Variants in PPP1R7 observed in about 807,000 individuals in gnomAD.
PPP1R7 encodes protein phosphatase 1 regulatory subunit 22.
A neutral mutation model predicts 45.2 loss-of-function variants in PPP1R7; 18 were observed. That is an observed-to-expected ratio of 0.40 (90% confidence interval 0.28 to 0.59). PPP1R7 has a LOEUF of 0.59. PPP1R7 is among the 20% of genes least tolerant of loss of function. The pLI is 0.46. For missense variants in PPP1R7, 314 were observed against 455.8 expected, an observed-to-expected ratio of 0.69 and a Z score of 2.83; for synonymous variants, 181 against 183.4, an observed-to-expected ratio of 0.99 and a Z score of 0.11.
Position 241,182,778 on chromosome 2 carries a change from C to T in PPP1R7, c.1038C>T (p.Ala346=), listed in dbSNP as rs1487014126. Residue 346 remains alanine (A), a synonymous_variant, in exon 10 of 10, where the codon GCC becomes GCT. Transcript: ENST00000234038. ...DPQYRRKVML[A]LPSVRQIDAT... is the part of the protein sequence containing the mutation. The stretch of plus-strand genomic sequence containing the variant: ...AGTACCGGCGGAAGGTCATGCTCGC[C>T]CTCCCCTCCGTGCGGCAGATCGATG... 5 of 1,614,086 alleles carry T rather than the reference C, an allele frequency of 3.1e-6. No individual in the cohort carries two copies. Among genetic ancestry groups the T allele is most frequent in the East Asian group, 4.5e-5 (2 of 44,868 alleles).
chr2:241,181,120 C>G (rs1176192789), intron 9 of PPP1R7, among the ~76,000 whole-genome samples: 1 of 152,162 alleles, frequency 6.6e-6, no homozygotes, highest in East Asian at 1.9e-4. Context: ...ATCGCTTGAA[C>G]CCAGGAGGCG....
intron 1 of PPP1R7, 135 bp downstream of exon 1, chr2:241,150,682 G>A (rs1157957356): frequency 4.7e-6 from 6 of 1,281,906 alleles, no homozygotes; most frequent in African/African-American, 1.6e-5. Context: ...ACAGCTGACA[G>A]CCGGACCCGG....
intron 9 of PPP1R7, among the ~76,000 whole-genome samples, chr2:241,176,362 C>T (rs1478668381): frequency 2.6e-5 from 4 of 152,216 alleles, no homozygotes; most frequent in African/African-American, 7.2e-5. Flanking sequence ...AGCTCACACC[C>T]AGGTACCACT....
chr2:241,157,772 G>T, intron 2 of PPP1R7, 35 bp from the exon 3 acceptor site: 2 of 1,597,230 alleles, frequency 1.3e-6, no homozygotes, highest in Non-Finnish European at 1.7e-6. Context: ...CTGTTAATGG[G>T]GTTCTGAACA....
upstream of PPP1R7, chr2:241,149,717 C>T (rs781690179): frequency 1.3e-6 from 2 of 1,549,850 alleles, no homozygotes; most frequent in Non-Finnish European, 1.7e-6. Flanking sequence ...GGGTGAGTAG[C>T]GCAGAGCTCG....
At position 241,183,333 on chromosome 2, in the gene PPP1R7, A is replaced by T; in HGVS notation, c.*510A>T. On this transcript the variant is annotated 3_prime_UTR_variant, in exon 10 of 10. Coordinates refer to ENST00000234038, the MANE Select transcript of PPP1R7 (RefSeq NM_002712.3). ...TTTTTAAAAATTAGGTAAGTTAAAA[A>T]AGCTGGGTAAAAGCTGACTCAGCCC... The T allele has an allele frequency of 2.3e-6, 1 of 434,468 alleles. No homozygotes were observed. The highest frequency in any genetic ancestry group is 4.7e-6 in the Non-Finnish European group (1 of 213,108). 26.9% of individuals were successfully genotyped at this position (434,468 alleles called of 1,614,324 possible). A position where few individuals can be genotyped will look rare whatever the true frequency, so the allele number is the denominator to read the frequency against.
At chr2:241,149,770 C>T, upstream of PPP1R7, 1 of 1,537,894 alleles carries the variant, frequency 6.5e-7, no homozygotes, top group South Asian at 1.2e-5. Flanking sequence ...CGCGGGGCGG[C>T]TCGTTCATGG....
intron 8 of PPP1R7, 57 bp downstream of exon 8, chr2:241,166,498 G>A: frequency 1.4e-6 from 2 of 1,481,064 alleles, no homozygotes; most frequent in Non-Finnish European, 1.9e-6. Context: ...AGGCGGGCAG[G>A]CACCTGGCCA....
chr2:241,150,783 C>T (rs1160845670), intron 1 of PPP1R7, among the ~76,000 whole-genome samples: 1 of 152,184 alleles, frequency 6.6e-6, no homozygotes, highest in Non-Finnish European at 1.5e-5. Context: ...AGAGCGGCGG[C>T]GCGAGGCCAG....
Position 241,183,296 on chromosome 2 carries a change from GC to G in PPP1R7, c.*475del, listed in dbSNP as rs2068041171. The G allele has an allele frequency of 4.6e-6, 2 of 431,374 alleles. No homozygotes were observed. The highest frequency in any genetic ancestry group is 9.6e-6 in the Non-Finnish European group (2 of 209,148). 26.7% of individuals were successfully genotyped at this position (431,374 alleles called of 1,614,324 possible). A position where few individuals can be genotyped will look rare whatever the true frequency, so the allele number is the denominator to read the frequency against. On this transcript the variant is annotated 3_prime_UTR_variant, in exon 10 of 10. Transcript: ENST00000234038. ...CGAGGTTTTTTAGTCTTTTAACCCA[GC>G]CATTTTCAATTTTTTAAAAATTAGG... is the stretch of plus-strand genomic sequence containing the variant.
At chr2:241,173,328 C>G (rs187098739) in intron 9 of PPP1R7, among the ~76,000 whole-genome samples, 3 of 150,358 alleles carry the variant, frequency 2.0e-5, no homozygotes, top group Non-Finnish European at 4.4e-5. Flanking sequence ...AGACTGGTCT[C>G]GAACTCCTGA....
At chr2:241,150,390 A>C, upstream of PPP1R7, 1 of 1,206,976 alleles carries the variant, frequency 8.3e-7, no homozygotes, top group Non-Finnish European at 1.0e-6. Context: ...GCGCGGCTGA[A>C]GTCGCCGCGC....
chr2:241,176,446 AT>A (rs202207281), intron 9 of PPP1R7, among the ~76,000 whole-genome samples: 2,281 of 150,208 alleles, frequency 0.015, 85 homozygotes, highest in East Asian at 0.11. Flanking sequence ...TATCTCATTA[AT>A]TTTTTTTTCT....
chr2:241,180,369 C>A (rs1430715698), intron 9 of PPP1R7, among the ~76,000 whole-genome samples: 1 of 117,626 alleles, frequency 8.5e-6, no homozygotes, highest in Non-Finnish European at 1.6e-5. Context: ...ATAAAATACT[C>A]TAACGATCGC....
At chr2:241,150,696 A>C in intron 1 of PPP1R7, 149 bp downstream of exon 1, 1 of 1,245,064 alleles carries the variant, frequency 8.0e-7, no homozygotes, top group Non-Finnish European at 1.0e-6. Flanking sequence ...GACCCGGGGG[A>C]GCGGGGGAGG....
Position 241,166,411 on chromosome 2 carries a change from C to G in PPP1R7, c.789C>G (p.Gly263=), listed in dbSNP as rs369399053. ...GGGAGCTGTACCTTAGCCACAATGG[C>G]ATCGAGGTCATCGAGGGCCTGGAGA... ...NLRELYLSHN[G]IEVIEGLENN... The change falls in exon 8 of 10, where the codon GGC becomes GGG. Residue 263 remains glycine (G), a synonymous_variant. Transcript: ENST00000234038. 39 of 1,613,788 alleles carry G rather than the reference C, an allele frequency of 2.4e-5. No homozygotes were observed. The highest frequency in any genetic ancestry group is 1.9e-4 in the African/African-American group (14 of 74,936).
At chr2:241,166,489 G>C (rs2067713472) in intron 8 of PPP1R7, 48 bp downstream of exon 8, 11 of 1,550,240 alleles carry the variant, frequency 7.1e-6, no homozygotes, top group Non-Finnish European at 9.7e-6. Context: ...GTGGGCACCA[G>C]GCGGGCAGGC....
At chr2:241,158,235 A>C (rs1476717110) in intron 3 of PPP1R7, among the ~76,000 whole-genome samples, 2 of 152,204 alleles carry the variant, frequency 1.3e-5, no homozygotes, top group African/African-American at 2.4e-5. Flanking sequence ...TGTTTTGTGC[A>C]TACAGGATCT....
chr2:241,174,034 T>C (rs1164375530), intron 9 of PPP1R7, among the ~76,000 whole-genome samples: 1 of 152,160 alleles, frequency 6.6e-6, no homozygotes, highest in Non-Finnish European at 1.5e-5. Flanking sequence ...TGGTGTTCAA[T>C]TGTTGAATGT....
Sources: allele counts gnomAD v4.1 joint callset (sites outside exome capture counted in the v4.1 genomes callset), GRCh38; gene constraint gnomAD v4.1.1; transcripts MANE v1.5; gene names NCBI Gene and HGNC (gene_info 2026-07-23, HGNC 2026-07-21).